Variants in ADAM10 observed in about 807,000 individuals in gnomAD.
ADAM10 encodes ADAM metallopeptidase domain 10.
Under a neutral mutation model 90.1 loss-of-function variants are expected in ADAM10, and 17 were observed. That is an observed-to-expected ratio of 0.19 (90% CI 0.13 to 0.28). The LOEUF (loss-of-function observed/expected upper bound fraction) is 0.28. Ranked by LOEUF, ADAM10 falls within the 10% of genes least tolerant of loss-of-function variation. ADAM10 has a pLI of 1.00. For missense variants in ADAM10, 610 were observed against 914.3 expected, an observed-to-expected ratio of 0.67 and a Z score of 4.29; for synonymous variants, 310 against 298.6, an observed-to-expected ratio of 1.04 and a Z score of -0.40.
At position 58,701,024 on chromosome 15, in the gene ADAM10, A is replaced by AAC. The variant is rs536107383; in HGVS notation, c.206+16552_206+16553insGT. 1.3e-3 allele frequency among the ~76,000 whole-genome samples: 196 copies of AAC among 150,028 alleles called. 2 individuals carry two copies. Among genetic ancestry groups the AAC allele is most frequent in the African/African-American group, 4.2e-3 (171 of 41,034 alleles). ...CAACTTAAAAAAAAACAAAAAAACA[A>AAC]AAAAAAAAAAACAGGGCAGAATTCA... On this transcript the variant is annotated intron_variant, in intron 2 of 15. Coordinates refer to ENST00000260408, the MANE Select transcript of ADAM10 (RefSeq NM_001110.4).
chr15:58,730,627 G>C (rs1364390051), intron 1 of ADAM10, among the ~76,000 whole-genome samples: 3 of 152,058 alleles, frequency 2.0e-5, no homozygotes, highest in Non-Finnish European at 2.9e-5. Context: ...ACAAACCTCT[G>C]TGTTAGTTAA....
intron 9 of ADAM10, among the ~76,000 whole-genome samples, chr15:58,632,491 A>G (rs543100801): frequency 6.6e-6 from 1 of 152,350 alleles, no homozygotes; most frequent in African/African-American, 2.4e-5. Flanking sequence ...TGGCTTTTCC[A>G]TATTTAACAA....
intron 2 of ADAM10, among the ~76,000 whole-genome samples, chr15:58,700,510 T>C (rs1360131681): frequency 5.3e-5 from 8 of 151,144 alleles, no homozygotes; most frequent in African/African-American, 1.9e-4. Flanking sequence ...AAGGAAGAAA[T>C]CAAAAAACAA....
chr15:58,626,235 G>C (rs529811684), intron 10 of ADAM10, among the ~76,000 whole-genome samples: 3 of 152,150 alleles, frequency 2.0e-5, no homozygotes, highest in Admixed American at 2.0e-4. Flanking sequence ...CTACAGTCTT[G>C]CAAGGCATTA....
chr15:58,720,054 A>G lies in ADAM10; in HGVS notation c.56-2327T>C, dbSNP rs74597742. On this transcript the variant is annotated intron_variant, in intron 1 of 15. Coordinates refer to ENST00000260408, the MANE Select transcript of ADAM10 (RefSeq NM_001110.4). Reference sequence around the variant, plus strand: ...GGAAGAAAAAACAAAACTGGGTTGAATTCTGACACTTCCTAGCCATAACCA... The same window carrying G: ...GGAAGAAAAAACAAAACTGGGTTGAGTTCTGACACTTCCTAGCCATAACCA... Among the ~76,000 whole-genome samples, 1,397 of 152,318 alleles carry G rather than the reference A, an allele frequency of 9.2e-3. 7 individuals are homozygous for G. Among genetic ancestry groups the G allele is most frequent in the Non-Finnish European group, 0.016 (1,056 of 68,018 alleles).
At chr15:58,700,951 G>C (rs1224107677) in intron 2 of ADAM10, among the ~76,000 whole-genome samples, 4 of 144,896 alleles carry the variant, frequency 2.8e-5, no homozygotes, top group African/African-American at 1.0e-4. Context: ...CTTGCAATGA[G>C]CTATGATCAT....
At chr15:58,696,503 T>G (rs1431429563) in intron 2 of ADAM10, among the ~76,000 whole-genome samples, 1 of 149,372 alleles carries the variant, frequency 6.7e-6, no homozygotes, top group Non-Finnish European at 1.5e-5. Context: ...TCACTCTCTC[T>G]CGCCCAGACT....
intron 5 of ADAM10, among the ~76,000 whole-genome samples, chr15:58,650,545 C>T (rs1239129183): frequency 6.6e-6 from 1 of 152,130 alleles, no homozygotes; most frequent in Non-Finnish European, 1.5e-5. Context: ...CATCCTCAGC[C>T]TCATGTGTCT....
chr15:58,602,309 T>C (rs1032670372), intron 14 of ADAM10, among the ~76,000 whole-genome samples: 1 of 152,192 alleles, frequency 6.6e-6, no homozygotes, highest in Non-Finnish European at 1.5e-5. Flanking sequence ...TGGTTTCTTT[T>C]AGTCCTACCC....
rs190566904 is a variant in ADAM10, at chr15:58,674,888, A to G, written c.484+4236T>C. Among the ~76,000 whole-genome samples, 20 of 152,380 alleles carry G rather than the reference A, an allele frequency of 1.3e-4. No homozygotes were observed. The East Asian group carries it at 3.9e-3, about 29-fold the overall frequency. On this transcript the variant is annotated intron_variant, in intron 4 of 15. Transcript: ENST00000260408. ...TCTAAAGTAGGGGTGCCCTACTACTATAAGGTATAGACAAATTCAGGCCGG... is the reference window on the plus strand; with the variant it reads ...TCTAAAGTAGGGGTGCCCTACTACTGTAAGGTATAGACAAATTCAGGCCGG...
intron 2 of ADAM10, among the ~76,000 whole-genome samples, chr15:58,685,160 TAAA>T (rs140613738): frequency 1.1e-4 from 13 of 119,068 alleles, no homozygotes; most frequent in Non-Finnish European, 9.2e-5. Context: ...TTATATTAAG[TAAA>T]AAAAAAAAAA....
intron 11 of ADAM10, 44 bp downstream of exon 11, chr15:58,621,427 G>A (rs199506587): frequency 3.1e-6 from 5 of 1,610,822 alleles, no homozygotes; most frequent in Middle Eastern, 1.7e-4. Context: ...CTGCATTGAG[G>A]TAACTTTACA....
At chr15:58,611,536 T>C (rs1389373040) in intron 12 of ADAM10, 1 of 373,020 alleles carries the variant, frequency 2.7e-6, no homozygotes, top group Non-Finnish European at 4.8e-6. Context: ...TGAAATATTA[T>C]TTTATAAAAC....
intron 5 of ADAM10, among the ~76,000 whole-genome samples, chr15:58,655,601 T>G: frequency 6.7e-6 from 1 of 148,400 alleles, no homozygotes; most frequent in Non-Finnish European, 1.5e-5. Flanking sequence ...ATCCAAACTA[T>G]ATTAATATAT....
At chr15:58,732,015 G>C (rs910792973) in intron 1 of ADAM10, among the ~76,000 whole-genome samples, 1 of 152,076 alleles carries the variant, frequency 6.6e-6, no homozygotes, top group African/African-American at 2.4e-5. Context: ...GTGAAGATCT[G>C]CAGATCCTAC....
chr15:58,718,040 T>C (rs1898723903), intron 1 of ADAM10, among the ~76,000 whole-genome samples: 1 of 152,086 alleles, frequency 6.6e-6, no homozygotes, highest in East Asian at 1.9e-4. Context: ...CTCACTCCTG[T>C]AATCCCAGCA....
At chr15:58,679,359 T>C in intron 3 of ADAM10, 77 bp from the exon 4 acceptor site, 1 of 1,274,710 alleles carries the variant, frequency 7.8e-7, no homozygotes, top group Non-Finnish European at 1.1e-6. Context: ...TATGTATATA[T>C]GTGTGTATAT....
chr15:58,609,548 T>G (rs1367840829), intron 14 of ADAM10: 4 of 153,256 alleles, frequency 2.6e-5, no homozygotes, highest in African/African-American at 9.7e-5. Context: ...ACATACACAC[T>G]AATTTGAGAA....
chr15:58,596,465 C>T lies in ADAM10; in HGVS notation c.*1082G>A, dbSNP rs1394461371. On this transcript the variant is annotated 3_prime_UTR_variant, in exon 16 of 16. Coordinates refer to ENST00000260408, the MANE Select transcript of ADAM10 (RefSeq NM_001110.4). ...ACTACTACTTAAGCAAATTACTCATCTTTAGTGGTTACCAATGATCAGTGA... is the reference window on the plus strand; with the variant it reads ...ACTACTACTTAAGCAAATTACTCATTTTTAGTGGTTACCAATGATCAGTGA... 3.9e-5 allele frequency: 6 copies of T among 152,602 alleles called. No homozygotes were observed. Among genetic ancestry groups the T allele is most frequent in the African/African-American group, 1.4e-4 (6 of 41,442 alleles). The allele number at this position is 152,602 out of a possible 1,614,324, so 9.5% of individuals were successfully genotyped here.
Sources: gnomAD v4.1 joint callset for allele counts (sites outside exome capture counted in the v4.1 genomes callset) on GRCh38, gnomAD v4.1.1 for gene constraint, MANE v1.5 for transcripts, NCBI Gene and HGNC (gene_info 2026-07-23, HGNC 2026-07-21) for gene names.